Variants in PEX14 observed in about 807,000 individuals in gnomAD.
PEX14 encodes the protein peroxisomal membrane protein PEX14.
PEX14 carries 15 observed loss-of-function variants against 49.5 expected under a neutral mutation model. That is an observed-to-expected ratio of 0.30 (90% CI 0.20 to 0.47). PEX14 has a LOEUF of 0.47. PEX14 is among the 20% of genes least tolerant of loss of function. PEX14 has a pLI of 1.00. For missense variants in PEX14, 398 were observed against 494.8 expected, an observed-to-expected ratio of 0.80 and a Z score of 1.86; for synonymous variants, 210 against 212.7, an observed-to-expected ratio of 0.99 and a Z score of 0.11.
chr1:10,624,381 C>T lies in PEX14; in HGVS notation c.529C>T (p.Leu177=), dbSNP rs763396552. The change falls in exon 7 of 9, where the codon CTG becomes TTG. Residue 177 remains leucine (L), a synonymous_variant. Transcript: ENST00000356607. Reference sequence around the variant, plus strand: ...GACCCTCGCCTCCGTCCAGGAGCTGCTGATTCAGCAGCAGCAGAAGATCCA... The same window carrying T: ...GACCCTCGCCTCCGTCCAGGAGCTGTTGATTCAGCAGCAGCAGAAGATCCA... ...QTTLASVQEL[L]IQQQQKIQEL... The T allele has an allele frequency of 2.5e-6, 4 of 1,613,506 alleles. No homozygotes were observed. Among genetic ancestry groups the T allele is most frequent in the Non-Finnish European group, 3.4e-6 (4 of 1,179,816 alleles).
Position 10,494,170 on chromosome 1 carries a change from G to C in PEX14, c.37-1104G>C, listed in dbSNP as rs1641517131. On this transcript the variant is annotated intron_variant, in intron 1 of 8. Transcript: ENST00000356607. The surrounding 1 kb of genome is among the most constrained non-coding windows in gnomAD (Gnocchi z 4.3). ...GAGGGATAGAGGCCTTCACCCAGCA[G>C]AGTGCTTGCCACTGTGCTGTGTGCC... Among the ~76,000 whole-genome samples, 1 of 152,212 alleles carries C rather than the reference G, an allele frequency of 6.6e-6. No homozygotes were observed. The highest frequency in any genetic ancestry group is 1.5e-5 in the Non-Finnish European group (1 of 68,036).
At chr1:10,622,978 C>T (rs916424650) in intron 5 of PEX14, 41 bp from the exon 6 acceptor site, 22 of 1,348,444 alleles carry the variant, frequency 1.6e-5, no homozygotes, top group Non-Finnish European at 2.2e-5. Context: ...AGGATAACCC[C>T]GGGTCCGTAT....
At chr1:10,606,451 C>T (rs1641129003) in intron 4 of PEX14, among the ~76,000 whole-genome samples, 1 of 152,174 alleles carries the variant, frequency 6.6e-6, no homozygotes. Context: ...AGATGTAGTC[C>T]TGATCTCGTC....
rs59812515 is a variant in PEX14, at chr1:10,581,446, C to T, written c.170-17792C>T. ...TCAGCCTCCCGAGTAGTTGGGATTA[C>T]AGGCGCCCGCCACCATACCCTGCTC... On this transcript the variant is annotated intron_variant, in intron 3 of 8. Coordinates refer to ENST00000356607, the MANE Select transcript of PEX14 (RefSeq NM_004565.3). Among the ~76,000 whole-genome samples the T allele has an allele frequency of 5.9e-3, 894 of 151,352 alleles. 7 individuals are homozygous for T. The highest frequency in any genetic ancestry group is 0.02 in the African/African-American group (840 of 41,202).
intron 3 of PEX14, among the ~76,000 whole-genome samples, chr1:10,585,404 AC>A (rs1226552729): frequency 2.0e-5 from 3 of 152,078 alleles, no homozygotes; most frequent in Non-Finnish European, 4.4e-5. Flanking sequence ...AAAGATATAA[AC>A]CCCCAAAGTT....
chr1:10,600,352 T>C (rs538002863), intron 4 of PEX14, among the ~76,000 whole-genome samples: 89 of 151,288 alleles, frequency 5.9e-4, no homozygotes, highest in Non-Finnish European at 1.0e-3. Flanking sequence ...ACCCGGGAGG[T>C]GGAGGTTGCA....
intron 4 of PEX14, among the ~76,000 whole-genome samples, chr1:10,610,380 C>G (rs1443763439): frequency 9.1e-6 from 1 of 109,338 alleles, no homozygotes; most frequent in Non-Finnish European, 2.2e-5. Flanking sequence ...TATACACACA[C>G]ACACACACAC....
intron 2 of PEX14, among the ~76,000 whole-genome samples, chr1:10,499,296 T>G (rs1364287028): frequency 6.6e-6 from 1 of 152,210 alleles, no homozygotes; most frequent in African/African-American, 2.4e-5. Flanking sequence ...AACTAGAATT[T>G]TAGCTTTTTG....
intron 5 of PEX14, among the ~76,000 whole-genome samples, chr1:10,621,218 A>C (rs1641581821): frequency 6.6e-6 from 1 of 151,986 alleles, no homozygotes; most frequent in African/African-American, 2.4e-5. Flanking sequence ...AAATGGTAAA[A>C]AGCCCTCGAC....
chr1:10,629,730 CTGGG>C lies in PEX14; in HGVS notation c.878_881del (p.Leu293ProfsTer41). 1 of 1,601,022 alleles carries C rather than the reference CTGGG, an allele frequency of 6.2e-7. No homozygotes were observed. The highest frequency in any genetic ancestry group is 1.3e-5 in the African/African-American group (1 of 74,612). ...GGGCTCCACGGTCACCTACCACTTG[CTGGG>C]CCCCCAGGAGGAAGGCGAGGGGGTG... On this transcript the variant is annotated frameshift_variant, in exon 9 of 9. Coordinates refer to ENST00000356607, the MANE Select transcript of PEX14 (RefSeq NM_004565.3). LOFTEE classifies it high-confidence loss of function. The surrounding 1 kb of genome is among the most constrained non-coding windows in gnomAD (Gnocchi z 8.5).
At chr1:10,570,112 C>A (rs932659628) in intron 3 of PEX14, among the ~76,000 whole-genome samples, 7 of 151,832 alleles carry the variant, frequency 4.6e-5, no homozygotes, top group Admixed American at 1.3e-4. Context: ...TATGTAATTT[C>A]TTCTAATAGT....
chr1:10,577,527 TAC>T (rs1640157298), intron 3 of PEX14, among the ~76,000 whole-genome samples: 8 of 22,364 alleles, frequency 3.6e-4, no homozygotes, highest in South Asian at 4.1e-3. Context: ...TTGGACACTA[TAC>T]ATATATATAT....
chr1:10,552,691 G>A (rs1639369520), intron 3 of PEX14, among the ~76,000 whole-genome samples: 1 of 152,186 alleles, frequency 6.6e-6, no homozygotes, highest in Non-Finnish European at 1.5e-5. Flanking sequence ...GGGGTTCCAT[G>A]ATATATAAAC....
chr1:10,620,310 A>G (rs1268407049), intron 5 of PEX14, among the ~76,000 whole-genome samples: 1 of 148,458 alleles, frequency 6.7e-6, no homozygotes, highest in African/African-American at 2.6e-5. Context: ...AAAATAAAAT[A>G]AAATAAAATA....
At chr1:10,578,934 C>T (rs1486904364) in intron 3 of PEX14, among the ~76,000 whole-genome samples, 1 of 152,076 alleles carries the variant, frequency 6.6e-6, no homozygotes, top group African/African-American at 2.4e-5. Context: ...TAATGACCTG[C>T]AGGACAAAAA....
At chr1:10,568,836 T>A (rs1241641421) in intron 3 of PEX14, among the ~76,000 whole-genome samples, 7 of 152,066 alleles carry the variant, frequency 4.6e-5, no homozygotes. Flanking sequence ...GCCTCCTGGG[T>A]TCAAGTGATT....
At chr1:10,627,396 C>T (rs772518991) in intron 8 of PEX14, 33 bp downstream of exon 8, 44 of 1,471,728 alleles carry the variant, frequency 3.0e-5, no homozygotes, top group Admixed American at 8.4e-5. Flanking sequence ...CTGTTCTGGT[C>T]GGGCCTGGAA....
Position 10,539,586 on chromosome 1 carries a change from CAT to C in PEX14, c.169+3291_169+3292del, listed in dbSNP as rs58456899. ...GGACTGTGTGTGGGGTTTAAGCCCT[CAT>C]AGAACCAGTCTATATATAGAAGCAG... is the stretch of plus-strand genomic sequence containing the variant. On this transcript the variant is annotated intron_variant, in intron 3 of 8. Transcript: ENST00000356607. This position sits in a 1 kb window ranked among gnomAD's most constrained non-coding sequence, Gnocchi z 4.6. Among the ~76,000 whole-genome samples the C allele has an allele frequency of 0.68, 103,675 of 151,818 alleles. 38,102 individuals are homozygous for C. Among genetic ancestry groups the C allele is most frequent in the Non-Finnish European group, 0.82 (55,764 of 67,928 alleles).
rs80045042 is a variant in PEX14 at position 10,512,085 on chromosome 1, G to A, written c.84+16764G>A. Among the ~76,000 whole-genome samples the A allele has an allele frequency of 8.3e-3, 1,265 of 152,148 alleles. 21 individuals carry two copies. The highest frequency in any genetic ancestry group is 0.029 in the African/African-American group (1,213 of 41,496). ...CGCCATTCTCCTGCCTCAGCTTCCC[G>A]AATAACTGGGACTACAGGCGCCTGC... On this transcript the variant is annotated intron_variant, in intron 2 of 8. Transcript: ENST00000356607. This position sits in a 1 kb window ranked among gnomAD's most constrained non-coding sequence, Gnocchi z 4.6.
Sources: allele counts gnomAD v4.1 joint callset (sites outside exome capture counted in the v4.1 genomes callset), GRCh38; gene constraint gnomAD v4.1.1; non-coding constraint Gnocchi (gnomAD v3.1); transcripts MANE v1.5; gene names NCBI Gene and HGNC (gene_info 2026-07-23, HGNC 2026-07-21).